SLC35F3: variants seen among roughly 807,000 people sequenced by gnomAD.
SLC35F3 encodes the protein solute carrier family 35 member F3, also known as putative thiamine transporter SLC35F3.
In SLC35F3, 25 loss-of-function variants were observed where a neutral mutation model predicts 49.9. That is an observed-to-expected ratio of 0.50 (90% CI 0.37 to 0.70). SLC35F3 has a LOEUF of 0.70. SLC35F3 is among the 30% of genes least tolerant of loss of function. The pLI, the probability that SLC35F3 is intolerant of heterozygous loss-of-function variation, is 0.00. For missense variants in SLC35F3, 525 were observed against 639.8 expected, an observed-to-expected ratio of 0.82 and a Z score of 1.94; for synonymous variants, 275 against 265.4, an observed-to-expected ratio of 1.04 and a Z score of -0.35.
chr1:234,324,443 A>G lies in SLC35F3; in HGVS notation c.*1200A>G, dbSNP rs1024556725. The G allele has an allele frequency of 2.0e-5, 3 of 152,176 alleles. No individual in the cohort carries two copies. Among genetic ancestry groups the G allele is most frequent in the African/African-American group, 7.2e-5 (3 of 41,422 alleles). The allele number at this position is 152,176 out of a possible 1,614,324, so 9.4% of individuals were successfully genotyped here. A position where few individuals can be genotyped will look rare whatever the true frequency, so the allele number is the denominator to read the frequency against. On this transcript the variant is annotated 3_prime_UTR_variant, in exon 8 of 8. Coordinates refer to ENST00000366618, the MANE Select transcript of SLC35F3 (RefSeq NM_173508.4). ...GGGGCATTCATGACCTGAACTTTTTAGCAAATTATTATTCTCAGTTTCCAT... is the reference window on the plus strand; with the variant it reads ...GGGGCATTCATGACCTGAACTTTTTGGCAAATTATTATTCTCAGTTTCCAT...
chr1:233,980,504 A>C (rs1186224594), intron 2 of SLC35F3, among the ~76,000 whole-genome samples: 3 of 152,162 alleles, frequency 2.0e-5, no homozygotes, highest in African/African-American at 7.2e-5. Context: ...CCCCGTGTTG[A>C]GCATGCTCAG....
chr1:234,126,420 C>A (rs1472349564), intron 2 of SLC35F3, among the ~76,000 whole-genome samples: 2 of 151,504 alleles, frequency 1.3e-5, no homozygotes, highest in Non-Finnish European at 2.9e-5. Flanking sequence ...ACTGTAGTAC[C>A]ATGTGACAAC....
intron 3 of SLC35F3, among the ~76,000 whole-genome samples, chr1:234,291,171 C>T (rs550256447): frequency 6.9e-4 from 105 of 152,356 alleles, no homozygotes; most frequent in Non-Finnish European, 1.1e-3. Flanking sequence ...ACGCTAATCA[C>T]TGTAGCCAAA....
intron 2 of SLC35F3, among the ~76,000 whole-genome samples, chr1:233,922,602 G>C (rs1008735983): frequency 1.3e-5 from 2 of 149,578 alleles, no homozygotes; most frequent in African/African-American, 2.5e-5. Context: ...TAGGTTGCCT[G>C]TTCACTCTGA....
At chr1:234,015,111 C>T (rs947895736) in intron 2 of SLC35F3, among the ~76,000 whole-genome samples, 5 of 152,002 alleles carry the variant, frequency 3.3e-5, no homozygotes, top group East Asian at 1.9e-4. Context: ...TTTGGGAGGC[C>T]GAGGCGGGTG....
At chr1:233,990,123 A>G (rs1170925066) in intron 2 of SLC35F3, among the ~76,000 whole-genome samples, 2 of 152,176 alleles carry the variant, frequency 1.3e-5, no homozygotes, top group Admixed American at 1.3e-4. Context: ...TAATAAAGAA[A>G]AAATTTAAAT....
At chr1:233,931,604 C>T (rs12073768) in intron 2 of SLC35F3, among the ~76,000 whole-genome samples, 1,921 of 152,326 alleles carry the variant, frequency 0.013, 46 homozygotes, top group African/African-American at 0.042. Flanking sequence ...TACCATCTCA[C>T]ACCAGTTAGA....
chr1:233,987,789 T>G (rs144310686), intron 2 of SLC35F3, among the ~76,000 whole-genome samples: 1 of 152,202 alleles, frequency 6.6e-6, no homozygotes, highest in African/African-American at 2.4e-5. Flanking sequence ...TTTAATCTTC[T>G]TATATTTGAT....
chr1:234,321,466 A>G (rs1415535508), intron 7 of SLC35F3, among the ~76,000 whole-genome samples: 2 of 152,224 alleles, frequency 1.3e-5, no homozygotes, highest in African/African-American at 4.8e-5. Context: ...GACAGCTGGT[A>G]AAAAAGAAAA....
In SLC35F3 at chr1:234,280,607, C is replaced by G. The variant is rs146719141; in HGVS notation, c.609-28494C>G. Among the ~76,000 whole-genome samples the G allele has an allele frequency of 5.1e-3, 771 of 152,226 alleles. 6 individuals carry two copies. Among genetic ancestry groups the G allele is most frequent in the Non-Finnish European group, 5.5e-3 (374 of 68,016 alleles). On this transcript the variant is annotated intron_variant, in intron 3 of 7. Coordinates refer to ENST00000366618, the MANE Select transcript of SLC35F3 (RefSeq NM_173508.4). ...AAAGACAGGAAGCATGGTGACGAGG[C>G]CCTTTCACAGCCTGGGATGATTCTC...
At chr1:234,192,082 A>C (rs577037923) in intron 2 of SLC35F3, among the ~76,000 whole-genome samples, 10 of 152,302 alleles carry the variant, frequency 6.6e-5, no homozygotes, top group African/African-American at 2.4e-4. Context: ...ACAGAGAAAG[A>C]GGGAATCCTC....
At chr1:234,188,030 G>A (rs1411129497) in intron 2 of SLC35F3, among the ~76,000 whole-genome samples, 1 of 152,178 alleles carries the variant, frequency 6.6e-6, no homozygotes, top group Non-Finnish European at 1.5e-5. Context: ...GAAGTCAGGA[G>A]ATCGAGACCA....
chr1:234,279,036 G>C (rs113599446), intron 3 of SLC35F3, among the ~76,000 whole-genome samples: 9,163 of 152,174 alleles, frequency 0.06, 332 homozygotes, highest in African/African-American at 0.098. Flanking sequence ...TGTGCCCAAG[G>C]TGGTCCGAGC....
intron 2 of SLC35F3, among the ~76,000 whole-genome samples, chr1:234,201,912 CAAAAA>C (rs11361148): frequency 8.9e-6 from 1 of 111,890 alleles, no homozygotes; most frequent in East Asian, 2.4e-4. Flanking sequence ...GACTTCTTCT[CAAAAA>C]AAAAAAAAAA....
At chr1:234,088,732 A>T (rs949841854) in intron 2 of SLC35F3, among the ~76,000 whole-genome samples, 1 of 152,156 alleles carries the variant, frequency 6.6e-6, no homozygotes, top group African/African-American at 2.4e-5. Context: ...TACACATGTC[A>T]TAAGGAATGT....
intron 2 of SLC35F3, among the ~76,000 whole-genome samples, chr1:234,081,667 G>A (rs1293970466): frequency 6.6e-6 from 1 of 151,986 alleles, no homozygotes; most frequent in African/African-American, 2.4e-5. Context: ...CACTGTAAAA[G>A]AGAATACTCC....
intron 3 of SLC35F3, among the ~76,000 whole-genome samples, chr1:234,233,746 T>C (rs919015448): frequency 1.3e-5 from 2 of 152,254 alleles, no homozygotes; most frequent in East Asian, 3.8e-4. Context: ...TGGCGAACAA[T>C]GTAAAAGAGG....
At chr1:234,145,207 G>A (rs556134332) in intron 2 of SLC35F3, among the ~76,000 whole-genome samples, 20 of 152,144 alleles carry the variant, frequency 1.3e-4, no homozygotes, top group African/African-American at 4.8e-4. Flanking sequence ...GAGTGGTACT[G>A]CATTATAATA....
chr1:234,017,480 G>C (rs984946356), intron 2 of SLC35F3, among the ~76,000 whole-genome samples: 1 of 152,014 alleles, frequency 6.6e-6, no homozygotes, highest in Admixed American at 6.5e-5. Flanking sequence ...TTGGGAGGCT[G>C]AGGCGGGTGG....
Sources: gnomAD v4.1 joint callset for allele counts (sites outside exome capture counted in the v4.1 genomes callset) on GRCh38, gnomAD v4.1.1 for gene constraint, MANE v1.5 for transcripts, NCBI Gene and HGNC (gene_info 2026-07-23, HGNC 2026-07-21) for gene names.